The following LARP1 variants were observed in gnomAD, a reference collection of about 807,000 sequenced individuals.
The protein encoded by LARP1 is La ribonucleoprotein 1, translational regulator.
Under a neutral mutation model 122.7 loss-of-function variants are expected in LARP1, and 36 were observed. That is an observed-to-expected ratio of 0.29 (90% confidence interval 0.22 to 0.39). The LOEUF is 0.39. LARP1 is among the 10% of genes least tolerant of loss of function. LARP1 has a pLI of 1.00. For synonymous variants in LARP1, 539 were observed against 528.7 expected (o/e 1.02, Z -0.27); for missense variants, 1,040 against 1,403.6 (o/e 0.74, Z 4.14).
intron 14 of LARP1, chr5:154,804,808 A>C (rs1437876906): frequency 2.2e-6 from 1 of 456,256 alleles, no homozygotes; most frequent in Non-Finnish European, 4.4e-6. Flanking sequence ...CTGTTTCCCA[A>C]AGCAAGCTTT....
At chr5:154,719,297 C>G (rs549649575) in intron 1 of LARP1, among the ~76,000 whole-genome samples, 1 of 152,264 alleles carries the variant, frequency 6.6e-6, no homozygotes, top group South Asian at 2.1e-4. Flanking sequence ...GCCCTACATA[C>G]CCTCTTTTGG....
upstream of LARP1, among the ~76,000 whole-genome samples, chr5:154,708,069 T>G (rs1357685911): frequency 6.6e-6 from 1 of 152,210 alleles, no homozygotes; most frequent in Admixed American, 6.5e-5. Flanking sequence ...CGCGGATCCA[T>G]TCCTTCCCAG....
At chr5:154,761,797 A>G (rs1250829934) in intron 1 of LARP1, among the ~76,000 whole-genome samples, 1 of 152,156 alleles carries the variant, frequency 6.6e-6, no homozygotes, top group African/African-American at 2.4e-5. Context: ...AAATTAGAAC[A>G]TGGGCAGGGT....
intron 1 of LARP1, among the ~76,000 whole-genome samples, chr5:154,768,616 C>G (rs1031273088): frequency 1.3e-5 from 2 of 152,146 alleles, no homozygotes; most frequent in Non-Finnish European, 2.9e-5. Context: ...AAGTCTCACT[C>G]TGTTGCCCAA....
chr5:154,751,614 C>T (rs763851593), upstream of LARP1, among the ~76,000 whole-genome samples: 3 of 152,138 alleles, frequency 2.0e-5, no homozygotes, highest in Non-Finnish European at 4.4e-5. Flanking sequence ...GGTTTTGCTT[C>T]CTGATGTTTC....
intron 1 of LARP1, among the ~76,000 whole-genome samples, chr5:154,781,075 T>TA (rs927712762): frequency 6.6e-6 from 1 of 150,736 alleles, no homozygotes; most frequent in Non-Finnish European, 1.5e-5. Context: ...TCTCAAAAAA[T>TA]AAAAAAATGA....
intron 1 of LARP1, among the ~76,000 whole-genome samples, chr5:154,731,496 G>A (rs1341228196): frequency 6.6e-6 from 1 of 152,086 alleles, no homozygotes. Context: ...AAGGAGCACA[G>A]TACCTTTCTT....
chr5:154,744,688 AGTGCAGTG>A (rs1173963908), intron 1 of LARP1, among the ~76,000 whole-genome samples: 1 of 84,160 alleles, frequency 1.2e-5, no homozygotes. Flanking sequence ...CCCAGGCTGG[AGTGCAGTG>A]GCGGGATCTC....
intron 1 of LARP1, among the ~76,000 whole-genome samples, chr5:154,735,101 ATC>A (rs1209665731): frequency 1.3e-5 from 2 of 152,088 alleles, no homozygotes; most frequent in African/African-American, 4.8e-5. Flanking sequence ...GGTTGTTTCC[ATC>A]TCTTAGCTAT....
chr5:154,725,207 T>C (rs1392704818), intron 1 of LARP1, among the ~76,000 whole-genome samples: 2 of 151,820 alleles, frequency 1.3e-5, no homozygotes, highest in African/African-American at 4.8e-5. Flanking sequence ...CTAGCCAAGA[T>C]GGTAAAACCC....
intron 14 of LARP1, 151 bp downstream of exon 14, chr5:154,804,458 C>A: frequency 1.5e-6 from 1 of 648,814 alleles, no homozygotes; most frequent in Non-Finnish European, 2.7e-6. Context: ...GAAAGCTCAG[C>A]CCAGGACCTG....
intron 17 of LARP1, 54 bp downstream of exon 17, chr5:154,811,410 C>G (rs1256320365): frequency 1.2e-6 from 2 of 1,608,234 alleles, no homozygotes; most frequent in African/African-American, 2.7e-5. Context: ...CCTCCTCTTC[C>G]CCAGTTGGAC....
intron 1 of LARP1, among the ~76,000 whole-genome samples, chr5:154,768,860 C>CATGA (rs1366766929): frequency 5.3e-5 from 8 of 152,138 alleles, no homozygotes; most frequent in African/African-American, 1.9e-4. Flanking sequence ...TGATTACAGG[C>CATGA]ATGAACCACC....
At position 154,803,988 on chromosome 5, in the gene LARP1, C is replaced by A. The variant is rs1477793512; in HGVS notation, c.2440-213C>A. Among the ~76,000 whole-genome samples the A allele has an allele frequency of 6.6e-6, 1 of 152,166 alleles. No individual in the cohort carries two copies. Among genetic ancestry groups the A allele is most frequent in the East Asian group, 1.9e-4 (1 of 5,190 alleles). On this transcript the variant is annotated intron_variant, in intron 13 of 18. Transcript: ENST00000518297. This position sits in a 1 kb window ranked among gnomAD's most constrained non-coding sequence, Gnocchi z 4.4. ...GATTGACCAGGTATGAGTCCTTGGG[C>A]AAATCACTGCATTCCCAAACCTTGA...
chr5:154,750,329 G>C (rs1753420576), intron 1 of LARP1, among the ~76,000 whole-genome samples: 1 of 151,324 alleles, frequency 6.6e-6, no homozygotes, highest in African/African-American at 2.4e-5. Context: ...GGGTGCAGTG[G>C]TGCAATCATG....
rs753046488 is a variant in LARP1 at position 154,792,759 on chromosome 5, A to C, written c.702A>C (p.Gly234=). 1.2e-6 allele frequency: 2 copies of C among 1,614,082 alleles called. No individual in the cohort carries two copies. Among genetic ancestry groups the C allele is most frequent in the African/African-American group, 2.7e-5 (2 of 74,924 alleles). ...ATGAATCAGGGGAGGAAAAGAATGG[A>C]GATGAGGATTGCCAGCGAGGCGGGC... The part of the protein sequence containing the change: ...KSDESGEEKN[G]DEDCQRGGQK... The change falls in exon 4 of 19, where the codon GGA becomes GGC. Residue 234 remains glycine (G), a synonymous_variant. Transcript: ENST00000518297.
chr5:154,712,398 C>A, upstream of LARP1, among the ~76,000 whole-genome samples: 1 of 152,134 alleles, frequency 6.6e-6, no homozygotes, highest in Non-Finnish European at 1.5e-5. Flanking sequence ...TTTGGATCCT[C>A]ACACCATCCC....
At position 154,795,237 on chromosome 5, in the gene LARP1, C is replaced by T. The variant is rs1202550067; in HGVS notation, c.1295C>T (p.Ala432Val). ...RDFFLRRKMD[A>V]DGFLPITLIA... ...TTCTTCCTGCGAAGGAAAATGGATG[C>T]TGATGGTTTCCTACCCATCACCCTT... Residue 432 changes from alanine (A) to valine (V), a missense_variant, in exon 8 of 19, where the codon GCT becomes GTT. Coordinates refer to ENST00000518297, the MANE Select transcript of LARP1 (RefSeq NM_033551.3). 6.2e-7 allele frequency: 1 copy of T among 1,613,304 alleles called. No homozygotes were observed. Among genetic ancestry groups the T allele is most frequent in the Non-Finnish European group, 8.5e-7 (1 of 1,179,228 alleles).
intron 18 of LARP1, among the ~76,000 whole-genome samples, chr5:154,811,986 G>GCC (rs1759311558): frequency 1.3e-5 from 2 of 152,172 alleles, no homozygotes; most frequent in Non-Finnish European, 2.9e-5. Context: ...TCTGGAAAAA[G>GCC]CCAATTCCAA....
Sources: gnomAD v4.1 joint callset for allele counts (sites outside exome capture counted in the v4.1 genomes callset) on GRCh38, gnomAD v4.1.1 for gene constraint, Gnocchi (gnomAD v3.1) non-coding constraint, MANE v1.5 for transcripts, NCBI Gene and HGNC (gene_info 2026-07-23, HGNC 2026-07-21) for gene names.